Variants in HS3ST4 observed in about 807,000 individuals in gnomAD.
HS3ST4 encodes heparan sulfate glucosamine 3-O-sulfotransferase 4.
In HS3ST4, 17 loss-of-function variants were observed where a neutral mutation model predicts 29.2. The observed-to-expected ratio is 0.58, with a 90% confidence interval of 0.40 to 0.87. The LOEUF is 0.87. HS3ST4 is among the 40% of genes least tolerant of loss of function. HS3ST4 has a pLI of 0.00. For synonymous variants in HS3ST4, 314 were observed against 285.7 expected (o/e 1.10, Z -1.00); for missense variants, 627 against 634.5 (o/e 0.99, Z 0.13).
At position 25,969,071 on chromosome 16, in the gene HS3ST4, G is replaced by T. The variant is rs144026369; in HGVS notation, c.735-166541G>T. On this transcript the variant is annotated intron_variant, in intron 1 of 1. Transcript: ENST00000331351. ...CCTAACCTCTGGATCCACTGTCTCGGCCTCCCAAAGTGCTGGGATTACAGG... is the reference window on the plus strand; with the variant it reads ...CCTAACCTCTGGATCCACTGTCTCGTCCTCCCAAAGTGCTGGGATTACAGG... Among the ~76,000 whole-genome samples, 162 of 152,282 alleles carry T rather than the reference G, an allele frequency of 1.1e-3. 1 individual carries two copies. The highest frequency in any genetic ancestry group is 3.7e-3 in the African/African-American group (155 of 41,558).
At chr16:25,846,856 G>T (rs1487817977) in intron 1 of HS3ST4, among the ~76,000 whole-genome samples, 2 of 152,102 alleles carry the variant, frequency 1.3e-5, no homozygotes, top group South Asian at 2.1e-4. Context: ...TTCCGCATGT[G>T]CACTGCATGA....
At chr16:25,920,896 G>C (rs920681630) in intron 1 of HS3ST4, among the ~76,000 whole-genome samples, 7 of 152,084 alleles carry the variant, frequency 4.6e-5, no homozygotes, top group African/African-American at 9.7e-5. Flanking sequence ...GGGATTACAG[G>C]TGTGAGCCAC....
At chr16:25,841,535 T>C (rs1270265035) in intron 1 of HS3ST4, among the ~76,000 whole-genome samples, 1 of 152,206 alleles carries the variant, frequency 6.6e-6, no homozygotes, top group East Asian at 1.9e-4. Context: ...TCTGCCTACC[T>C]TGGCCTCTGA....
chr16:26,051,031 A>G lies in HS3ST4; in HGVS notation c.735-84581A>G, dbSNP rs1235930048. Among the ~76,000 whole-genome samples the G allele has an allele frequency of 4.6e-5, 7 of 152,140 alleles. No homozygotes were observed. The South Asian group carries it at 1.4e-3, about 32-fold the overall frequency. On this transcript the variant is annotated intron_variant, in intron 1 of 1. Coordinates refer to ENST00000331351, the MANE Select transcript of HS3ST4 (RefSeq NM_006040.3). ...TCTCCTTTAGGGAGCATTGAGTTTAAGGAGACTGGCACCCTCTGTGTTCAT... is the reference window on the plus strand; with the variant it reads ...TCTCCTTTAGGGAGCATTGAGTTTAGGGAGACTGGCACCCTCTGTGTTCAT...
chr16:25,760,769 A>C (rs1567234449), intron 1 of HS3ST4, among the ~76,000 whole-genome samples: 1 of 152,134 alleles, frequency 6.6e-6, no homozygotes, highest in Non-Finnish European at 1.5e-5. Flanking sequence ...ACTGTCTCTA[A>C]ATATAGTCAC....
intron 1 of HS3ST4, among the ~76,000 whole-genome samples, chr16:25,824,367 T>A (rs1337889559): frequency 6.6e-6 from 1 of 152,208 alleles, no homozygotes; most frequent in Non-Finnish European, 1.5e-5. Context: ...AATAAAGACA[T>A]ACCCGAGACT....
At position 25,763,562 on chromosome 16, in the gene HS3ST4, C is replaced by G. The variant is rs544375454; in HGVS notation, c.734+70411C>G. ...ATGTAATTGTGTGCAGTAATAGACA[C>G]TGTCTAAGTTAAATATCTGAAGGAA... On this transcript the variant is annotated intron_variant, in intron 1 of 1. Coordinates refer to ENST00000331351, the MANE Select transcript of HS3ST4 (RefSeq NM_006040.3). Among the ~76,000 whole-genome samples, 15 of 152,234 alleles carry G rather than the reference C, an allele frequency of 9.9e-5. No individual in the cohort carries two copies. The South Asian group carries it at 3.1e-3, about 32-fold the overall frequency.
At chr16:25,946,396 G>C (rs541807317) in intron 1 of HS3ST4, among the ~76,000 whole-genome samples, 1 of 152,190 alleles carries the variant, frequency 6.6e-6, no homozygotes, top group Non-Finnish European at 1.5e-5. Flanking sequence ...AGAAATCAAG[G>C]GAGAGTTGAA....
rs961867154 is a variant in HS3ST4, at chr16:26,029,787, A to G, written c.735-105825A>G. ...GTTCCAGGAGAAGGGTGCTGGCCTG[A>G]AGGAGCTGACCCATGAGGGACTGTT... On this transcript the variant is annotated intron_variant, in intron 1 of 1. Transcript: ENST00000331351. 4.6e-5 allele frequency among the ~76,000 whole-genome samples: 7 copies of G among 152,198 alleles called. No homozygotes were observed. The South Asian group carries it at 1.4e-3, about 31-fold the overall frequency.
rs746231536 is a variant in HS3ST4 at position 26,037,789 on chromosome 16, G to A, written c.735-97823G>A. 2.6e-4 allele frequency among the ~76,000 whole-genome samples: 39 copies of A among 152,126 alleles called. 2 individuals carry two copies. The highest frequency in any genetic ancestry group is 5.9e-4 in the Admixed American group (9 of 15,278). On this transcript the variant is annotated intron_variant, in intron 1 of 1. Transcript: ENST00000331351. ...GTCTGTCAAAGGAAATTAGGGTGCC[G>A]CTACTTAAAGAAAGGGCACAAGAGT... is the stretch of plus-strand genomic sequence containing the variant.
intron 1 of HS3ST4, among the ~76,000 whole-genome samples, chr16:25,894,027 C>T (rs1321864935): frequency 6.6e-6 from 1 of 152,206 alleles, no homozygotes; most frequent in Admixed American, 6.5e-5. Context: ...TAATGCATGT[C>T]AGGTGAGCCC....
intron 1 of HS3ST4, among the ~76,000 whole-genome samples, chr16:25,712,062 A>G (rs145048916): frequency 2.6e-5 from 4 of 152,334 alleles, no homozygotes; most frequent in African/African-American, 9.6e-5. Context: ...CTCCTGTAAC[A>G]TCATTTAACA....
intron 1 of HS3ST4, among the ~76,000 whole-genome samples, chr16:25,778,152 T>TA (rs1273814045): frequency 5.4e-5 from 8 of 147,956 alleles, no homozygotes; most frequent in African/African-American, 1.5e-4. Flanking sequence ...ATATATATAT[T>TA]TTTTCTACAA....
At chr16:25,809,770 AATAGTGT>A in intron 1 of HS3ST4, among the ~76,000 whole-genome samples, 1 of 151,988 alleles carries the variant, frequency 6.6e-6, no homozygotes. Flanking sequence ...TAAGTTGTTG[AATAGTGT>A]ATAGTTGTTC....
At chr16:25,740,322 C>T (rs942641493) in intron 1 of HS3ST4, among the ~76,000 whole-genome samples, 1 of 152,154 alleles carries the variant, frequency 6.6e-6, no homozygotes, top group African/African-American at 2.4e-5. Context: ...TTCCAAGTTT[C>T]TACTCTGACA....
chr16:25,890,419 A>C (rs901873504), intron 1 of HS3ST4, among the ~76,000 whole-genome samples: 8 of 152,212 alleles, frequency 5.3e-5, no homozygotes, highest in Non-Finnish European at 8.8e-5. Context: ...CAGAATAAAA[A>C]TTGGAGGGTT....
At chr16:26,069,297 G>T (rs192328305) in intron 1 of HS3ST4, among the ~76,000 whole-genome samples, 2 of 152,234 alleles carry the variant, frequency 1.3e-5, no homozygotes, top group East Asian at 3.9e-4. Flanking sequence ...AACAAGAAAT[G>T]GTATCTATTT....
chr16:25,865,661 T>A (rs1967686502), intron 1 of HS3ST4, among the ~76,000 whole-genome samples: 1 of 152,292 alleles, frequency 6.6e-6, no homozygotes, highest in Admixed American at 6.5e-5. Flanking sequence ...AAATCAGAAG[T>A]AAATCAATCA....
chr16:26,002,717 A>AAGGG (rs142930266), intron 1 of HS3ST4, among the ~76,000 whole-genome samples: 2 of 140,420 alleles, frequency 1.4e-5, no homozygotes, highest in African/African-American at 2.6e-5. Context: ...GGAAGGAAGG[A>AAGGG]AGGGAGGGAG....
Sources: allele counts gnomAD v4.1 joint callset (sites outside exome capture counted in the v4.1 genomes callset), GRCh38; gene constraint gnomAD v4.1.1; transcripts MANE v1.5; gene names NCBI Gene and HGNC (gene_info 2026-07-23, HGNC 2026-07-21).